Variants in NLK observed in about 807,000 individuals in gnomAD.
The protein encoded by NLK is serine/threonine-protein kinase NLK.
A neutral mutation model predicts 59.0 loss-of-function variants in NLK; 11 were observed. The ratio of observed to expected loss-of-function variants is 0.19; its 90% CI spans 0.12 to 0.31. The LOEUF (loss-of-function observed/expected upper bound fraction) is 0.31, where lower values mean the gene tolerates loss of function less well. NLK is among the 10% of genes least tolerant of loss of function. The pLI is 1.00. For missense variants in NLK, 410 were observed against 661.1 expected (o/e 0.62, Z 4.16); for synonymous variants, 235 against 235.9 (o/e 1.00, Z 0.03).
chr17:28,163,803 T>C (rs889592199), intron 5 of NLK, among the ~76,000 whole-genome samples, 175 bp downstream of exon 5: 2 of 152,240 alleles, frequency 1.3e-5, no homozygotes, highest in African/African-American at 2.4e-5. Context: ...TCCTGCCTCA[T>C]GTTCTTTTCA....
At chr17:28,132,961 CAGTGAG>C (rs1304029914) in intron 3 of NLK, among the ~76,000 whole-genome samples, 5 of 152,270 alleles carry the variant, frequency 3.3e-5, no homozygotes, top group Admixed American at 3.3e-4. Flanking sequence ...CAGATGAAAC[CAGTGAG>C]GCAGCTGTGT....
intron 5 of NLK, among the ~76,000 whole-genome samples, chr17:28,166,164 G>A (rs535969577): frequency 5.2e-4 from 79 of 152,292 alleles, no homozygotes; most frequent in Non-Finnish European, 7.6e-4. Flanking sequence ...GCAGTGAGCC[G>A]ACATCATGTC....
intron 1 of NLK, among the ~76,000 whole-genome samples, chr17:28,089,359 A>T (rs1364902478): frequency 2.0e-5 from 3 of 152,126 alleles, no homozygotes; most frequent in Non-Finnish European, 4.4e-5. Flanking sequence ...TCTTTCACGC[A>T]GCTTATTTAT....
At chr17:28,113,131 C>CA (rs1905597751) in intron 1 of NLK, among the ~76,000 whole-genome samples, 1 of 152,050 alleles carries the variant, frequency 6.6e-6, no homozygotes, top group Non-Finnish European at 1.5e-5. Context: ...GGCAGTTTGC[C>CA]TTTTTAAAAA....
chr17:28,042,785 A>AGGT lies in NLK; in HGVS notation c.-86_-84dup. Reference sequence around the variant, plus strand: ...AAGACATAAAGCTCTATGTTTTTTGAGGTGGAGTGAGTGGTTTTTCTTCAT... The same window carrying AGGT: ...AAGACATAAAGCTCTATGTTTTTTGAGGTGGTGGAGTGAGTGGTTTTTCTTCAT... On this transcript the variant is annotated 5_prime_UTR_variant, in exon 1 of 11. Transcript: ENST00000407008. 1 of 1,146,032 alleles carries AGGT rather than the reference A, an allele frequency of 8.7e-7. No individual in the cohort carries two copies. Among genetic ancestry groups the AGGT allele is most frequent in the Non-Finnish European group, 1.2e-6 (1 of 829,510 alleles). The allele number at this position is 1,146,032 out of a possible 1,614,324, so 71.0% of individuals were successfully genotyped here.
At chr17:28,179,834 C>T (rs576184969) in intron 7 of NLK, among the ~76,000 whole-genome samples, 4 of 151,210 alleles carry the variant, frequency 2.6e-5, no homozygotes, top group African/African-American at 9.7e-5. Flanking sequence ...GCATGAGCCA[C>T]CGTGCCCAGT....
chr17:28,198,969 C>G (rs149699354), downstream of NLK, among the ~76,000 whole-genome samples: 852 of 152,238 alleles, frequency 5.6e-3, 9 homozygotes, highest in African/African-American at 0.02. Context: ...ACAGCTGTGT[C>G]TGTCTTAAAA....
At chr17:28,204,476 G>A in the NLK span, among the ~76,000 whole-genome samples, 5 of 152,226 alleles carry the variant, frequency 3.3e-5, no homozygotes, top group Admixed American at 6.5e-5. Flanking sequence ...ACATGTGCAT[G>A]TGTGTGTATG....
At chr17:28,181,432 G>C (rs1374817980) in intron 7 of NLK, among the ~76,000 whole-genome samples, 2 of 151,550 alleles carry the variant, frequency 1.3e-5, no homozygotes, top group African/African-American at 4.8e-5. Context: ...AGCCAGCCGT[G>C]GTGGCACATG....
chr17:28,078,644 G>A (rs1910244687), intron 1 of NLK, among the ~76,000 whole-genome samples: 1 of 152,020 alleles, frequency 6.6e-6, no homozygotes, highest in Non-Finnish European at 1.5e-5. Flanking sequence ...TTCATTTTCA[G>A]CCTTATTGGA....
chr17:28,196,351 G>A lies in NLK; in HGVS notation c.*1715G>A, dbSNP rs775010161. On this transcript the variant is annotated 3_prime_UTR_variant, in exon 11 of 11. Transcript: ENST00000407008. ...GTACAATGTAGATTTGAAGTACAGT[G>A]GTGAAAACATTAAATGTGACATTTG... 33 of 152,624 alleles carry A rather than the reference G, an allele frequency of 2.2e-4. No individual in the cohort carries two copies. The highest frequency in any genetic ancestry group is 6.2e-4 in the South Asian group (3 of 4,824). 9.5% of individuals were successfully genotyped at this position (152,624 alleles called of 1,614,324 possible).
intron 3 of NLK, among the ~76,000 whole-genome samples, chr17:28,152,397 G>C (rs1042354313): frequency 6.6e-6 from 1 of 152,190 alleles, no homozygotes; most frequent in African/African-American, 2.4e-5. Flanking sequence ...TGATAAACTT[G>C]AAAATTAAGA....
At chr17:28,156,911 A>G (rs1371294763) in intron 3 of NLK, among the ~76,000 whole-genome samples, 1 of 152,222 alleles carries the variant, frequency 6.6e-6, no homozygotes, top group Admixed American at 6.5e-5. Flanking sequence ...AGAGATTGCA[A>G]AACCGTGGTT....
At chr17:28,110,669 T>G (rs1041037562) in intron 1 of NLK, among the ~76,000 whole-genome samples, 1 of 152,142 alleles carries the variant, frequency 6.6e-6, no homozygotes, top group Non-Finnish European at 1.5e-5. Context: ...CTCTGAGGTT[T>G]TGTTCATTTT....
chr17:28,109,051 G>A (rs968873383), intron 1 of NLK, among the ~76,000 whole-genome samples: 1 of 151,962 alleles, frequency 6.6e-6, no homozygotes, highest in African/African-American at 2.4e-5. Flanking sequence ...GGCGCCTGTA[G>A]TCCCAGCTAC....
In NLK at chr17:28,163,550, A is replaced by C; in HGVS notation, c.759A>C (p.Lys253Asn). 1 of 1,589,882 alleles carries C rather than the reference A, an allele frequency of 6.3e-7. No individual in the cohort carries two copies. The highest frequency in any genetic ancestry group is 8.6e-7 in the Non-Finnish European group (1 of 1,160,994). Residue 253 changes from lysine (K) to asparagine (N), a missense_variant, in exon 5 of 11, where the codon AAA (lysine) becomes AAC (asparagine). Lys to Asn is a moderately conservative substitution (Grantham distance 94). Around this residue, in one of 5 missense-constraint regions of NLK, gnomAD observed 73 missense variants for 197.2 expected, o/e 0.37. Transcript: ENST00000407008. ...VFLYQILRGL[K>N]YLHSAGILHR... Reference sequence around the variant, plus strand: ...ATCTGTTTGTTATTTCAGGTTTGAAATATCTCCATTCAGCTGGCATTTTAC... The same window carrying C: ...ATCTGTTTGTTATTTCAGGTTTGAACTATCTCCATTCAGCTGGCATTTTAC...
At chr17:28,125,046 C>CA (rs957253681) in intron 2 of NLK, among the ~76,000 whole-genome samples, 87 of 145,204 alleles carry the variant, frequency 6.0e-4, no homozygotes, top group African/African-American at 1.5e-3. Context: ...GATATCACCT[C>CA]AAAAAAAAAA....
chr17:28,109,779 G>A (rs1202517599), intron 1 of NLK, among the ~76,000 whole-genome samples: 2 of 152,192 alleles, frequency 1.3e-5, no homozygotes, highest in Admixed American at 1.3e-4. Flanking sequence ...GAATAATGCT[G>A]CTATGAATAT....
intron 1 of NLK, chr17:28,062,064 C>G (rs1470025730): frequency 6.6e-6 from 1 of 151,150 alleles, no homozygotes; most frequent in African/African-American, 2.4e-5. Flanking sequence ...CCTTCTGACA[C>G]TTAAAAAAAT....
Sources: gnomAD v4.1 joint callset for allele counts (sites outside exome capture counted in the v4.1 genomes callset) on GRCh38, gnomAD v4.1.1 for gene constraint, gnomAD v4.1.1 regional missense constraint, MANE v1.5 for transcripts, NCBI Gene and HGNC (gene_info 2026-07-23, HGNC 2026-07-21) for gene names.